Variants in SLCO3A1 observed in about 807,000 individuals in gnomAD.
SLCO3A1 encodes the protein solute carrier organic anion transporter family member 3A1.
Under a neutral mutation model 63.1 loss-of-function variants are expected in SLCO3A1, and 27 were observed. The observed-to-expected ratio is 0.43, with a 90% confidence interval of 0.32 to 0.59. The LOEUF (loss-of-function observed/expected upper bound fraction) is 0.59. SLCO3A1 is among the 20% of genes least tolerant of loss of function. The pLI, the probability that SLCO3A1 is intolerant of heterozygous loss-of-function variation, is 0.09. For synonymous variants in SLCO3A1, 473 were observed against 409.9 expected, an observed-to-expected ratio of 1.15 and a Z score of -1.86; for missense variants, 773 against 945.8, an observed-to-expected ratio of 0.82 and a Z score of 2.40.
At chr15:92,032,406 G>A (rs1183377729) in intron 2 of SLCO3A1, among the ~76,000 whole-genome samples, 3 of 152,294 alleles carry the variant, frequency 2.0e-5, no homozygotes, top group South Asian at 2.1e-4. Flanking sequence ...GCGAATGGCT[G>A]CAGGGAAGTC....
Position 91,897,799 on chromosome 15 carries a change from A to G in SLCO3A1, c.181-18194A>G, listed in dbSNP as rs755822617. On this transcript the variant is annotated intron_variant, in intron 1 of 9. Coordinates refer to ENST00000318445, the MANE Select transcript of SLCO3A1 (RefSeq NM_013272.4). The surrounding 1 kb of genome is among the most constrained non-coding windows in gnomAD (Gnocchi z 4.7). ...AGTGTTGGAACAGACTGTTCTCTCT[A>G]TTTTCTGACCTGCTCAGGCATCCTG... Among the ~76,000 whole-genome samples the G allele has an allele frequency of 6.6e-6, 1 of 152,000 alleles. No homozygotes were observed. The highest frequency in any genetic ancestry group is 1.5e-5 in the Non-Finnish European group (1 of 68,008).
intron 2 of SLCO3A1, among the ~76,000 whole-genome samples, chr15:91,922,107 A>G (rs1898867904): frequency 1.3e-5 from 2 of 152,160 alleles, no homozygotes; most frequent in African/African-American, 4.8e-5. Context: ...TCAAATGTGG[A>G]TGATGCAGTT....
At position 92,163,563 on chromosome 15, in the gene SLCO3A1, A is replaced by T. The variant is rs918511884; in HGVS notation, c.*428A>T. 3.8e-5 allele frequency: 37 copies of T among 984,754 alleles called. No individual in the cohort carries two copies. Among genetic ancestry groups the T allele is most frequent in the Middle Eastern group, 5.2e-4 (1 of 1,910 alleles). 61.0% of individuals were successfully genotyped at this position (984,754 alleles called of 1,614,324 possible). A position where few individuals can be genotyped will look rare whatever the true frequency, so the allele number is the denominator to read the frequency against. ...TCCTAAAATAAAAAAAATTAAAAAA[A>T]AAAAACCCACAAGTTGAAAACATTG... On this transcript the variant is annotated 3_prime_UTR_variant, in exon 10 of 10. Coordinates refer to ENST00000318445, the MANE Select transcript of SLCO3A1 (RefSeq NM_013272.4).
At chr15:92,109,128 G>C (rs28472943) in intron 4 of SLCO3A1, among the ~76,000 whole-genome samples, 2,046 of 152,264 alleles carry the variant, frequency 0.013, 48 homozygotes, top group African/African-American at 0.047. Flanking sequence ...ACAGATAGCA[G>C]GTAATGATTG....
At position 92,163,383 on chromosome 15, in the gene SLCO3A1, G is replaced by A; in HGVS notation, c.*248G>A. On this transcript the variant is annotated 3_prime_UTR_variant, in exon 10 of 10. Transcript: ENST00000318445. ...GCCACTTGCGCGGCTGGGCCACAGAGTCTACTTTGAAGGCACCTCATGGTT... is the reference window on the plus strand; with the variant it reads ...GCCACTTGCGCGGCTGGGCCACAGAATCTACTTTGAAGGCACCTCATGGTT... 8.8e-7 allele frequency: 1 copy of A among 1,135,904 alleles called. No homozygotes were observed. Among genetic ancestry groups the A allele is most frequent in the Non-Finnish European group, 1.1e-6 (1 of 927,906 alleles). The allele number at this position is 1,135,904 out of a possible 1,614,324, so 70.4% of individuals were successfully genotyped here. A position where few individuals can be genotyped will look rare whatever the true frequency, so the allele number is the denominator to read the frequency against.
In SLCO3A1 at chr15:91,916,154, C is replaced by T. The variant is rs766092977; in HGVS notation, c.342C>T (p.Ile114=). 23 of 1,607,096 alleles carry T rather than the reference C, an allele frequency of 1.4e-5. No individual in the cohort carries two copies. The highest frequency in any genetic ancestry group is 4.0e-5 in the African/African-American group (3 of 74,854). The change falls in exon 2 of 10, where the codon ATC becomes ATT. Residue 114 remains isoleucine, a synonymous_variant. Transcript: ENST00000318445. The surrounding 1 kb of genome is among the most constrained non-coding windows in gnomAD (Gnocchi z 6.2). ...CGCGCCTGATCGGCTGCGGCGGCAT[C>T]GTCATGGCGCTGGGCGCGCTGCTGT... The part of the protein sequence containing the change: ...HRPRLIGCGG[I]VMALGALLSA...
intron 2 of SLCO3A1, among the ~76,000 whole-genome samples, chr15:91,991,649 T>C (rs1053027335): frequency 1.3e-5 from 2 of 152,248 alleles, no homozygotes; most frequent in African/African-American, 4.8e-5. Context: ...TTCCCAAATA[T>C]CATTTCAACA....
chr15:91,919,348 G>A (rs571413375), intron 2 of SLCO3A1, among the ~76,000 whole-genome samples: 16 of 152,206 alleles, frequency 1.1e-4, no homozygotes, highest in African/African-American at 2.7e-4. Context: ...TCTTCAGCCC[G>A]TCCTTTCCAG....
chr15:92,116,341 T>C (rs2047794988), intron 4 of SLCO3A1, among the ~76,000 whole-genome samples: 1 of 152,228 alleles, frequency 6.6e-6, no homozygotes, highest in African/African-American at 2.4e-5. Context: ...AGACTAGCAG[T>C]AGAAAACCTG....
At chr15:92,156,172 G>A (rs1009385564) in intron 9 of SLCO3A1, among the ~76,000 whole-genome samples, 10 of 152,298 alleles carry the variant, frequency 6.6e-5, no homozygotes, top group Admixed American at 1.3e-4. Context: ...AAAAATGAAC[G>A]TGTTAAGTGC....
At chr15:92,162,578 A>G in intron 9 of SLCO3A1, 178 bp from the exon 10 acceptor site, 1 of 1,015,030 alleles carries the variant, frequency 9.9e-7, no homozygotes, top group Non-Finnish European at 1.4e-6. Context: ...GATTTGTACC[A>G]TAATAAAAAG....
chr15:92,074,563 T>G (rs1473534225), intron 2 of SLCO3A1, among the ~76,000 whole-genome samples: 1 of 152,188 alleles, frequency 6.6e-6, no homozygotes, highest in Non-Finnish European at 1.5e-5. Context: ...CAGTCTGTCT[T>G]GTTACCTTTT....
intron 2 of SLCO3A1, among the ~76,000 whole-genome samples, chr15:91,966,437 C>CAA (rs1900664686): frequency 6.6e-6 from 1 of 152,150 alleles, no homozygotes; most frequent in African/African-American, 2.4e-5. Context: ...ACCAGCATCT[C>CAA]TGAGGAAGAT....
At chr15:92,023,286 A>G (rs961868072) in intron 2 of SLCO3A1, among the ~76,000 whole-genome samples, 2 of 152,246 alleles carry the variant, frequency 1.3e-5, no homozygotes, top group African/African-American at 4.8e-5. Context: ...AAAGTCTAGT[A>G]GCTGTTTGCA....
intron 2 of SLCO3A1, among the ~76,000 whole-genome samples, chr15:91,943,316 T>G (rs569780672): frequency 6.6e-6 from 1 of 152,302 alleles, no homozygotes; most frequent in South Asian, 2.1e-4. Flanking sequence ...AGTTACCTCC[T>G]GGAAGTGGAA....
chr15:91,963,257 G>C (rs1274463349), intron 2 of SLCO3A1, among the ~76,000 whole-genome samples: 5 of 152,118 alleles, frequency 3.3e-5, no homozygotes. Flanking sequence ...TTTGTATATG[G>C]GCACTGGCTC....
chr15:92,143,897 C>T (rs2048184390), intron 7 of SLCO3A1, among the ~76,000 whole-genome samples: 2 of 152,156 alleles, frequency 1.3e-5, no homozygotes, highest in Admixed American at 6.5e-5. Flanking sequence ...AGCTGTGCGG[C>T]ATGGCTGCTC....
At chr15:92,000,954 T>A (rs2046247094) in intron 2 of SLCO3A1, among the ~76,000 whole-genome samples, 3 of 152,146 alleles carry the variant, frequency 2.0e-5, no homozygotes, top group Non-Finnish European at 2.9e-5. Flanking sequence ...TCATTTCCCT[T>A]CGAGGACTGT....
intron 2 of SLCO3A1, among the ~76,000 whole-genome samples, chr15:92,092,391 C>T (rs1213951430): frequency 6.6e-6 from 1 of 152,038 alleles, no homozygotes; most frequent in East Asian, 1.9e-4. Flanking sequence ...TGCCGGGAGT[C>T]ACAGCAGATG....
Sources: allele counts gnomAD v4.1 joint callset (sites outside exome capture counted in the v4.1 genomes callset), GRCh38; gene constraint gnomAD v4.1.1; non-coding constraint Gnocchi (gnomAD v3.1); transcripts MANE v1.5; gene names NCBI Gene and HGNC (gene_info 2026-07-23, HGNC 2026-07-21).